SMYD1: variants seen among roughly 807,000 people sequenced by gnomAD.
The protein encoded by SMYD1 is SET and MYND domain containing 1.
Under a neutral mutation model 54.0 loss-of-function variants are expected in SMYD1, and 49 were observed. The ratio of observed to expected loss-of-function variants is 0.91; its 90% CI spans 0.72 to 1.15. The LOEUF (loss-of-function observed/expected upper bound fraction) is 1.15, where lower values mean the gene tolerates loss of function less well. Among genes scored for constraint, SMYD1 ranks in the 50% most tolerant of loss-of-function variants. SMYD1 has a pLI of 0.00. For missense variants in SMYD1, 653 were observed against 639.6 expected (o/e 1.02, Z -0.23); for synonymous variants, 269 against 234.2 (o/e 1.15, Z -1.36).
rs61748138 is a variant in SMYD1 at position 88,103,132 on chromosome 2, C to A, written c.963C>A (p.Ser321=). 8.2e-3 allele frequency: 13,249 copies of A among 1,612,946 alleles called. 100 individuals carry two copies. The highest frequency in any genetic ancestry group is 0.021 in the Middle Eastern group (130 of 6,052). ...TGGAAAAGATAGACAAGGCTCGTTC[C>A]GAGGGTTTGTATCATGAGGTAAGAA... ...DTLEKIDKAR[S]EGLYHEVVKL... is the part of the protein sequence containing the mutation. Residue 321 remains serine, a synonymous_variant, in exon 7 of 10, where the codon TCC becomes TCA. Transcript: ENST00000419482.
chr2:88,067,870 A>C lies in SMYD1; in HGVS notation c.6A>C (p.Thr2=), dbSNP rs1673863359. 2 of 1,613,844 alleles carry C rather than the reference A, an allele frequency of 1.2e-6. No homozygotes were observed. The highest frequency in any genetic ancestry group is 1.7e-6 in the Non-Finnish European group (2 of 1,179,974). The part of the protein sequence containing the change: M[T]IGRMENVEVF... ...CTGGCCTGACAGTCTCTGAGATGAC[A>C]ATAGGGAGAATGGAGAACGTGGAGG... Residue 2 remains threonine (T), a synonymous_variant, in exon 1 of 10, where the codon ACA becomes ACC. Transcript: ENST00000419482.
In SMYD1 at chr2:88,105,378, TAC is replaced by T. The variant is rs397747635; in HGVS notation, c.982-927_982-926del. Among the ~76,000 whole-genome samples the T allele has an allele frequency of 8.5e-3, 1,279 of 150,812 alleles. 19 individuals carry two copies. Among genetic ancestry groups the T allele is most frequent in the African/African-American group, 0.028 (1,155 of 41,092 alleles). On this transcript the variant is annotated intron_variant, in intron 7 of 9. Coordinates refer to ENST00000419482, the MANE Select transcript of SMYD1 (RefSeq NM_198274.4). ...ATATGTATATATGCGCATGCATATA[TAC>T]ACACACACACACACACACATATCGA...
In SMYD1 at chr2:88,113,097, C is replaced by T. The variant is rs1400039809; in HGVS notation, c.*2585C>T. 1 of 152,222 alleles carries T rather than the reference C, an allele frequency of 6.6e-6. No homozygotes were observed. The highest frequency in any genetic ancestry group is 1.5e-5 in the Non-Finnish European group (1 of 68,044). The allele number at this position is 152,222 out of a possible 1,614,324, so 9.4% of individuals were successfully genotyped here. Reference sequence around the variant, plus strand: ...TCTTTCCTGTCTCCTCTCCTCTGATCTGTTCTTTCTTGGAACACCACCCAA... The same window carrying T: ...TCTTTCCTGTCTCCTCTCCTCTGATTTGTTCTTTCTTGGAACACCACCCAA... On this transcript the variant is annotated 3_prime_UTR_variant, in exon 10 of 10. Coordinates refer to ENST00000419482, the MANE Select transcript of SMYD1 (RefSeq NM_198274.4).
rs2104020669 is a variant in SMYD1, at chr2:88,110,353, G to A, written c.1315-1G>A. On this transcript the variant is annotated splice_acceptor_variant, in intron 9 of 9. Coordinates refer to ENST00000419482, the MANE Select transcript of SMYD1 (RefSeq NM_198274.4). LOFTEE classifies it high-confidence loss of function. ...GTTTACGGTGTATCTGTGTCCCACA[G>A]GCCATGCGGGTGCAGACGGAGATGG... 1 of 1,610,796 alleles carries A rather than the reference G, an allele frequency of 6.2e-7. No homozygotes were observed. The highest frequency in any genetic ancestry group is 1.7e-4 in the Middle Eastern group (1 of 6,052).
Position 88,091,060 on chromosome 2 carries a change from G to A in SMYD1, c.577G>A (p.Val193Met), listed in dbSNP as rs750669857. ...CAGTGATCAGAGAGGCCTGCAGGCCGTGGGCGTAGGCATCTTCCCCAACCT... is the reference window on the plus strand; with the variant it reads ...CAGTGATCAGAGAGGCCTGCAGGCCATGGGCGTAGGCATCTTCCCCAACCT... Reference protein sequence around the residue: ...TLSDQRGLQAVGVGIFPNLGL... With the variant: ...TLSDQRGLQAMGVGIFPNLGL... The change falls in exon 4 of 10, where the codon GTG becomes ATG. Residue 193 changes from valine (V) to methionine (M), a missense_variant. Transcript: ENST00000419482. 27 of 1,614,126 alleles carry A rather than the reference G, an allele frequency of 1.7e-5. 1 individual carries two copies. The highest frequency in any genetic ancestry group is 1.4e-4 in the South Asian group (13 of 91,066).
chr2:88,085,015 G>T (rs1346814529), intron 2 of SMYD1, among the ~76,000 whole-genome samples: 1 of 152,124 alleles, frequency 6.6e-6, no homozygotes, highest in Non-Finnish European at 1.5e-5. Flanking sequence ...CTCCCAAAGT[G>T]CTGGGATTAC....
chr2:88,101,575 T>C (rs901068534), intron 6 of SMYD1, among the ~76,000 whole-genome samples: 4 of 152,198 alleles, frequency 2.6e-5, no homozygotes, highest in African/African-American at 9.7e-5. Flanking sequence ...TTTAGACATA[T>C]CCATTGTTTA....
intron 2 of SMYD1, among the ~76,000 whole-genome samples, chr2:88,084,961 G>T (rs1048040865): frequency 6.6e-6 from 1 of 151,866 alleles, no homozygotes; most frequent in African/African-American, 2.4e-5. Context: ...TGTTGCCCAG[G>T]GTAGCCTCGA....
At chr2:88,099,797 CCTT>C (rs1461081332) in intron 6 of SMYD1, among the ~76,000 whole-genome samples, 2 of 151,920 alleles carry the variant, frequency 1.3e-5, no homozygotes, top group African/African-American at 4.8e-5. Context: ...GAACCAACAT[CCTT>C]CTTACCCCTT....
At chr2:88,100,282 T>C (rs1208582129) in intron 6 of SMYD1, among the ~76,000 whole-genome samples, 1 of 152,166 alleles carries the variant, frequency 6.6e-6, no homozygotes, top group African/African-American at 2.4e-5. Context: ...TTGGGGAATC[T>C]TGTAAGTTGC....
chr2:88,096,396 C>T (rs547379972), intron 5 of SMYD1, among the ~76,000 whole-genome samples, 199 bp from the exon 6 acceptor site: 50 of 152,312 alleles, frequency 3.3e-4, no homozygotes, highest in African/African-American at 1.2e-3. Context: ...ATGGATCAGA[C>T]GGTTCTAAGG....
intron 3 of SMYD1, among the ~76,000 whole-genome samples, 155 bp from the exon 4 acceptor site, chr2:88,090,857 C>A (rs572184501): frequency 6.6e-6 from 1 of 152,168 alleles, no homozygotes; most frequent in East Asian, 1.9e-4. Context: ...TCTGGAGTCA[C>A]GCAGAGAACA....
At chr2:88,098,436 T>C (rs1423424029) in intron 6 of SMYD1, among the ~76,000 whole-genome samples, 3 of 152,184 alleles carry the variant, frequency 2.0e-5, no homozygotes, top group Admixed American at 2.0e-4. Context: ...TTTCTCTTGA[T>C]ATAAAAGATT....
chr2:88,086,376 G>A (rs917202092), intron 2 of SMYD1, among the ~76,000 whole-genome samples: 4 of 152,224 alleles, frequency 2.6e-5, no homozygotes, highest in African/African-American at 9.6e-5. Flanking sequence ...CCTGAAAAGT[G>A]TGCAGTCAGT....
chr2:88,084,907 C>A (rs1385442814), intron 2 of SMYD1, among the ~76,000 whole-genome samples: 1 of 152,106 alleles, frequency 6.6e-6, no homozygotes, highest in African/African-American at 2.4e-5. Context: ...CACACCTCCA[C>A]ATCTGGCTAA....
intron 8 of SMYD1, 90 bp from the exon 9 acceptor site, chr2:88,108,281 A>T (rs1006194957): frequency 7.7e-7 from 1 of 1,305,302 alleles, no homozygotes; most frequent in Non-Finnish European, 1.0e-6. Flanking sequence ...AGATGGGCTT[A>T]ATCAACAAGG....
intron 5 of SMYD1, 141 bp downstream of exon 5, chr2:88,093,696 T>C: frequency 3.3e-6 from 3 of 914,480 alleles, no homozygotes; most frequent in South Asian, 1.4e-5. Context: ...CTCATCTTTT[T>C]AATGCATTTA....
chr2:88,097,684 T>G (rs1674626104), intron 6 of SMYD1, among the ~76,000 whole-genome samples: 1 of 152,122 alleles, frequency 6.6e-6, no homozygotes, highest in Non-Finnish European at 1.5e-5. Context: ...AATGACCCTA[T>G]TGCCAAGTAA....
chr2:88,086,550 C>T (rs542470590), intron 2 of SMYD1, among the ~76,000 whole-genome samples: 1 of 152,264 alleles, frequency 6.6e-6, no homozygotes, highest in South Asian at 2.1e-4. Flanking sequence ...CTCCTCTTCC[C>T]CCAGAGCCCC....
Sources: allele counts gnomAD v4.1 joint callset (sites outside exome capture counted in the v4.1 genomes callset), GRCh38; gene constraint gnomAD v4.1.1; transcripts MANE v1.5; gene names NCBI Gene and HGNC (gene_info 2026-07-23, HGNC 2026-07-21).